Variants in PARD6G observed in about 807,000 individuals in gnomAD.
PARD6G encodes par-6 family cell polarity regulator gamma.
Under a neutral mutation model 10.7 loss-of-function variants are expected in PARD6G, and 7 were observed. That is an observed-to-expected ratio of 0.66 (90% confidence interval 0.37 to 1.23). The LOEUF is 1.23. PARD6G is among the 50% of genes most tolerant of loss of function. The pLI, the probability that PARD6G is intolerant of heterozygous loss-of-function variation, is 0.02. For synonymous variants in PARD6G, 287 were observed against 269.4 expected (o/e 1.07, Z -0.64); for missense variants, 548 against 571.8 (o/e 0.96, Z 0.42).
At chr18:80,224,328 A>G (rs1967263497) in intron 1 of PARD6G, among the ~76,000 whole-genome samples, 1 of 152,210 alleles carries the variant, frequency 6.6e-6, no homozygotes, top group Non-Finnish European at 1.5e-5. Context: ...CAGAGCATGA[A>G]TGACTCTAGA....
rs1487381824 is a variant in PARD6G at position 80,200,356 on chromosome 18, A to G, written c.295+2354T>C. Among the ~76,000 whole-genome samples the G allele has an allele frequency of 1.3e-5, 2 of 152,218 alleles. No individual in the cohort carries two copies. Among genetic ancestry groups the G allele is most frequent in the Non-Finnish European group, 1.5e-5 (1 of 68,040 alleles). On this transcript the variant is annotated intron_variant, in intron 2 of 2. Coordinates refer to ENST00000353265, the MANE Select transcript of PARD6G (RefSeq NM_032510.4). The surrounding 1 kb of genome is among the most constrained non-coding windows in gnomAD (Gnocchi z 4.4). ...CTTTACAGTCAAATCCACTGAGGAC[A>G]GCGAGAGGCAGCTCTGATTTTCCCA...
intron 2 of PARD6G, chr18:80,162,195 C>A (rs571299401): frequency 6.6e-6 from 1 of 152,068 alleles, no homozygotes; most frequent in African/African-American, 2.4e-5. Context: ...GGAACCCATC[C>A]GTCATCAGTT....
chr18:80,217,200 T>C (rs1967177861), intron 1 of PARD6G, among the ~76,000 whole-genome samples: 1 of 152,210 alleles, frequency 6.6e-6, no homozygotes, highest in Non-Finnish European at 1.5e-5. Flanking sequence ...TTTGAGCAAG[T>C]AGTATTAGAT....
At chr18:80,164,199 G>C (rs1364521210) in intron 2 of PARD6G, among the ~76,000 whole-genome samples, 2 of 152,166 alleles carry the variant, frequency 1.3e-5, no homozygotes, top group African/African-American at 4.8e-5. Flanking sequence ...CCCTGGCTCT[G>C]GTGCCAGAGA....
At chr18:80,194,766 A>G (rs142041095) in intron 2 of PARD6G, among the ~76,000 whole-genome samples, 128 of 152,286 alleles carry the variant, frequency 8.4e-4, no homozygotes, top group African/African-American at 3.0e-3. Flanking sequence ...AAGGATGTGA[A>G]CTAGGAAAGA....
chr18:80,209,618 C>T (rs1377119407), intron 1 of PARD6G, among the ~76,000 whole-genome samples: 2 of 152,084 alleles, frequency 1.3e-5, no homozygotes, highest in African/African-American at 4.8e-5. Context: ...TGATACCAGC[C>T]TGGGCAACAT....
At chr18:80,160,837 TCA>T (rs929340557) in intron 2 of PARD6G, among the ~76,000 whole-genome samples, 7 of 152,020 alleles carry the variant, frequency 4.6e-5, no homozygotes, top group African/African-American at 1.5e-4. Context: ...ACCAAAGAAC[TCA>T]GAGATTAAAA....
chr18:80,160,975 C>T (rs1263549719), intron 2 of PARD6G, among the ~76,000 whole-genome samples: 1 of 152,196 alleles, frequency 6.6e-6, no homozygotes, highest in Non-Finnish European at 1.5e-5. Context: ...TAAGCTTTGC[C>T]CATTCTCCCA....
In PARD6G at chr18:80,177,797, A is replaced by G. The variant is rs569813035; in HGVS notation, c.296-17191T>C. Among the ~76,000 whole-genome samples the G allele has an allele frequency of 2.3e-4, 35 of 152,086 alleles. 1 individual carries two copies. In the South Asian group the frequency reaches 2.9e-3, roughly 13 times the overall value. The stretch of plus-strand genomic sequence containing the variant: ...ATAAATCAATGCCCAAATGGGAAGC[A>G]CACACACACATACATACATGCAAAC... On this transcript the variant is annotated intron_variant, in intron 2 of 2. Coordinates refer to ENST00000353265, the MANE Select transcript of PARD6G (RefSeq NM_032510.4).
intron 2 of PARD6G, among the ~76,000 whole-genome samples, chr18:80,198,145 G>A (rs1047071871): frequency 9.9e-5 from 15 of 152,186 alleles, no homozygotes; most frequent in African/African-American, 2.7e-4. Context: ...CGGAGAGAAC[G>A]TCCGGATCAT....
At chr18:80,223,971 A>G (rs865818740) in intron 1 of PARD6G, among the ~76,000 whole-genome samples, 3 of 152,170 alleles carry the variant, frequency 2.0e-5, no homozygotes, top group Non-Finnish European at 4.4e-5. Context: ...TCCAGTTAAA[A>G]TGGACCCAAC....
chr18:80,194,370 T>G (rs1443438984), intron 2 of PARD6G, among the ~76,000 whole-genome samples: 4 of 152,190 alleles, frequency 2.6e-5, no homozygotes, highest in Non-Finnish European at 5.9e-5. Flanking sequence ...AATTTCAAAC[T>G]TTAGCTGAGA....
chr18:80,235,216 A>G lies in PARD6G; in HGVS notation c.72+12061T>C, dbSNP rs373859095. On this transcript the variant is annotated intron_variant, in intron 1 of 2. Coordinates refer to ENST00000353265, the MANE Select transcript of PARD6G (RefSeq NM_032510.4). ...AGGATTAAGAAACTCACTCAAAACCACTCAACTACATGGAAACTGAACAAC... is the reference window on the plus strand; with the variant it reads ...AGGATTAAGAAACTCACTCAAAACCGCTCAACTACATGGAAACTGAACAAC... Among the ~76,000 whole-genome samples, 14 of 152,216 alleles carry G rather than the reference A, an allele frequency of 9.2e-5. No individual in the cohort carries two copies. The East Asian group carries it at 2.5e-3, about 27-fold the overall frequency.
At chr18:80,190,582 C>T (rs1315178263) in intron 2 of PARD6G, among the ~76,000 whole-genome samples, 2 of 152,194 alleles carry the variant, frequency 1.3e-5, no homozygotes, top group African/African-American at 4.8e-5. Flanking sequence ...GACACGGATC[C>T]TGGTCTGTCA....
chr18:80,165,696 A>T lies in PARD6G; in HGVS notation c.296-5090T>A, dbSNP rs917203168. Reference sequence around the variant, plus strand: ...CAGGGTCCCTGACTTCCCGCAATGGATATGTCTTTGCCTCTAAAATTTTAG... The same window carrying T: ...CAGGGTCCCTGACTTCCCGCAATGGTTATGTCTTTGCCTCTAAAATTTTAG... On this transcript the variant is annotated intron_variant, in intron 2 of 2. Coordinates refer to ENST00000353265, the MANE Select transcript of PARD6G (RefSeq NM_032510.4). 2.0e-5 allele frequency among the ~76,000 whole-genome samples: 3 copies of T among 152,136 alleles called. No homozygotes were observed. In the East Asian group the frequency reaches 5.8e-4, roughly 29 times the overall value.
intron 1 of PARD6G, among the ~76,000 whole-genome samples, chr18:80,212,501 A>G (rs1035083243): frequency 1.2e-4 from 19 of 152,196 alleles, no homozygotes; most frequent in Non-Finnish European, 1.9e-4. Context: ...GCTCATTACA[A>G]TTTTCACTTT....
chr18:80,226,184 TTTTAGACGGAGTTTCTCTC>T (rs1967287959), intron 1 of PARD6G, among the ~76,000 whole-genome samples: 1 of 54,756 alleles, frequency 1.8e-5, no homozygotes, highest in Non-Finnish European at 3.8e-5. Context: ...TTTTTTTTTT[TTTTAGACGGAGTTTCTCTC>T]TTTGTTGCGC....
intron 2 of PARD6G, among the ~76,000 whole-genome samples, chr18:80,165,319 T>C (rs551843032): frequency 2.0e-5 from 3 of 152,222 alleles, no homozygotes; most frequent in Admixed American, 2.0e-4. Context: ...CCTACTTCCA[T>C]GTCCATTTAT....
intron 1 of PARD6G, among the ~76,000 whole-genome samples, chr18:80,208,972 C>T (rs527691039): frequency 4.6e-5 from 7 of 152,082 alleles, no homozygotes; most frequent in East Asian, 3.9e-4. Context: ...TGGTGGCACA[C>T]GCTTGTAGTC....
Sources: gnomAD v4.1 joint callset for allele counts (sites outside exome capture counted in the v4.1 genomes callset) on GRCh38, gnomAD v4.1.1 for gene constraint, Gnocchi (gnomAD v3.1) non-coding constraint, MANE v1.5 for transcripts, NCBI Gene and HGNC (gene_info 2026-07-23, HGNC 2026-07-21) for gene names.